Variants in DPP6 observed in about 807,000 individuals in gnomAD.
DPP6 encodes the protein dipeptidyl peptidase like 6, also known as A-type potassium channel modulatory protein DPP6.
In DPP6, 69 loss-of-function variants were observed where a neutral mutation model predicts 122.6. The observed-to-expected ratio is 0.56, with a 90% CI of 0.46 to 0.69. The LOEUF (loss-of-function observed/expected upper bound fraction) is 0.69. Ranked by LOEUF, DPP6 falls within the 30% of genes least tolerant of loss-of-function variation. The pLI is 0.00. For missense variants in DPP6, 928 were observed against 1,116.9 expected, an observed-to-expected ratio of 0.83 and a Z score of 2.41; for synonymous variants, 418 against 433.1, an observed-to-expected ratio of 0.97 and a Z score of 0.43.
intron 21 of DPP6, chr7:154,884,683 AAG>A: frequency 6.7e-6 from 1 of 148,850 alleles, no homozygotes; most frequent in African/African-American, 2.5e-5. Context: ...GCTCACACAC[AAG>A]CACACATGAT....
At chr7:154,451,219 G>A (rs1459898915) in intron 2 of DPP6, among the ~76,000 whole-genome samples, 1 of 151,992 alleles carries the variant, frequency 6.6e-6, no homozygotes, top group Non-Finnish European at 1.5e-5. Context: ...AAATTAGCTG[G>A]GCTTGGTGGC....
At chr7:154,357,616 G>T (rs73493283) in intron 1 of DPP6, among the ~76,000 whole-genome samples, 4,403 of 152,214 alleles carry the variant, frequency 0.029, 122 homozygotes, top group African/African-American at 0.064. Flanking sequence ...AAGAATTGTG[G>T]GAGGTATTGG....
intron 7 of DPP6, among the ~76,000 whole-genome samples, chr7:154,676,662 G>T (rs963489039): frequency 1.3e-5 from 2 of 152,280 alleles, no homozygotes; most frequent in African/African-American, 4.8e-5. Flanking sequence ...TCAGTGTGAA[G>T]CGGGATTTAA....
chr7:154,587,554 C>A, intron 5 of DPP6: 1 of 1,373,152 alleles, frequency 7.3e-7, no homozygotes, highest in South Asian at 1.5e-5. Context: ...TTTTGTTTCT[C>A]GATCCCCAAC....
At chr7:154,819,605 T>C (rs888517609) in intron 16 of DPP6, among the ~76,000 whole-genome samples, 2 of 152,166 alleles carry the variant, frequency 1.3e-5, no homozygotes, top group African/African-American at 4.8e-5. Flanking sequence ...CCAGATGGTA[T>C]TTCCTAAAGA....
At chr7:154,730,662 C>G (rs949176895) in intron 8 of DPP6, among the ~76,000 whole-genome samples, 2 of 152,112 alleles carry the variant, frequency 1.3e-5, no homozygotes, top group African/African-American at 4.8e-5. Context: ...TGCCACAGGG[C>G]AGAAATTGTC....
chr7:154,044,725 G>C (rs1799934436), intron 1 of DPP6, among the ~76,000 whole-genome samples: 1 of 152,190 alleles, frequency 6.6e-6, no homozygotes, highest in Non-Finnish European at 1.5e-5. Flanking sequence ...TAACATGCTT[G>C]AAAGGAGTGG....
chr7:154,467,143 C>T (rs1182745360), intron 2 of DPP6, among the ~76,000 whole-genome samples: 1 of 152,174 alleles, frequency 6.6e-6, no homozygotes, highest in Non-Finnish European at 1.5e-5. Context: ...GGTTTATAGG[C>T]TTGGGAATAG....
chr7:154,876,142 G>A (rs375568305), intron 20 of DPP6, 42 bp downstream of exon 20: 8 of 1,517,826 alleles, frequency 5.3e-6, no homozygotes, highest in Non-Finnish European at 6.2e-6. Context: ...GGGAGGGGAC[G>A]GGGCTCCTCA....
chr7:154,204,495 G>A (rs1173211789), intron 1 of DPP6, among the ~76,000 whole-genome samples: 1 of 152,094 alleles, frequency 6.6e-6, no homozygotes, highest in Non-Finnish European at 1.5e-5. Context: ...TGACTTAAGG[G>A]TGCTTCTGAT....
At chr7:154,848,331 CTT>C (rs1258795426) in intron 16 of DPP6, among the ~76,000 whole-genome samples, 2 of 125,894 alleles carry the variant, frequency 1.6e-5, no homozygotes, top group Admixed American at 1.5e-4. Context: ...CTTGCCGACA[CTT>C]GTTAGCTTTT....
intron 16 of DPP6, among the ~76,000 whole-genome samples, chr7:154,832,739 A>G (rs1200833204): frequency 6.6e-6 from 1 of 152,194 alleles, no homozygotes; most frequent in Non-Finnish European, 1.5e-5. Flanking sequence ...AAGTGTGTTG[A>G]ACCCTAGTGA....
intron 1 of DPP6, among the ~76,000 whole-genome samples, chr7:153,918,466 A>ACACACACTCTCTCT (rs1379555083): frequency 1.0e-5 from 1 of 95,952 alleles, no homozygotes; most frequent in African/African-American, 3.9e-5. Flanking sequence ...ACACACACAC[A>ACACACACTCTCTCT]CTCTCTCTCT....
upstream of DPP6, among the ~76,000 whole-genome samples, chr7:153,884,912 G>A (rs539013716): frequency 1.0e-4 from 15 of 150,468 alleles, no homozygotes; most frequent in African/African-American, 3.4e-4. Flanking sequence ...CCTGGGAGGC[G>A]GAGGTTGCAG....
At chr7:153,906,294 C>T (rs564960466) in intron 1 of DPP6, among the ~76,000 whole-genome samples, 6 of 152,258 alleles carry the variant, frequency 3.9e-5, no homozygotes, top group East Asian at 3.9e-4. Flanking sequence ...GTGTGCTCAT[C>T]GCTCATAGAC....
In DPP6 at chr7:154,676,184, A is replaced by G. The variant is rs1481427438; in HGVS notation, c.762+6743A>G. Among the ~76,000 whole-genome samples, 261 of 145,482 alleles carry G rather than the reference A, an allele frequency of 1.8e-3. 3 individuals carry two copies. The highest frequency in any genetic ancestry group is 7.4e-3 in the Middle Eastern group (2 of 272). On this transcript the variant is annotated intron_variant, in intron 7 of 25. Coordinates refer to ENST00000377770, the MANE Select transcript of DPP6 (RefSeq NM_130797.4). ...CTCCTACACAGGTGTTCCGGGCTAC[A>G]GCCTTGCAGCGTGCTGTCTGGAGGT...
At chr7:154,730,789 G>T (rs1434519333) in intron 8 of DPP6, among the ~76,000 whole-genome samples, 1 of 152,166 alleles carries the variant, frequency 6.6e-6, no homozygotes, top group Non-Finnish European at 1.5e-5. Flanking sequence ...CATTCTCTGG[G>T]ACTAATCTCC....
At chr7:154,410,417 A>G (rs1816498515) in intron 1 of DPP6, among the ~76,000 whole-genome samples, 1 of 152,250 alleles carries the variant, frequency 6.6e-6, no homozygotes, top group Admixed American at 6.5e-5. Flanking sequence ...TTTCCGATTC[A>G]GTATTTCATC....
In DPP6 at chr7:154,601,901, A is replaced by G. The variant is rs1443901588; in HGVS notation, c.627+34985A>G. 1.6e-5 allele frequency among the ~76,000 whole-genome samples: 2 copies of G among 121,336 alleles called. 1 individual carries two copies. Among genetic ancestry groups the G allele is most frequent in the Non-Finnish European group, 3.7e-5 (2 of 53,782 alleles). 79.6% of individuals were successfully genotyped at this position (121,336 alleles called of 152,430 possible). A position where few individuals can be genotyped will look rare whatever the true frequency, so the allele number is the denominator to read the frequency against. ...TATTATATGTCCCTTTATGGAAAAT[A>G]TGTGCTGACTCCTATTTTAAATGTT... On this transcript the variant is annotated intron_variant, in intron 5 of 25. Coordinates refer to ENST00000377770, the MANE Select transcript of DPP6 (RefSeq NM_130797.4).
Sources: allele counts gnomAD v4.1 joint callset (sites outside exome capture counted in the v4.1 genomes callset), GRCh38; gene constraint gnomAD v4.1.1; transcripts MANE v1.5; gene names NCBI Gene and HGNC (gene_info 2026-07-23, HGNC 2026-07-21).